Variants in RGPD2 observed in about 807,000 individuals in gnomAD.
RGPD2 encodes the protein RANBP2 like and GRIP domain containing 2, also known as RANBP2-like and GRIP domain-containing protein 2.
In RGPD2, 2 loss-of-function variants were observed where a neutral mutation model predicts 36.0. The observed-to-expected ratio is 0.06, with a 90% CI of 0.02 to 0.17. The LOEUF (loss-of-function observed/expected upper bound fraction) is 0.17. Ranked by LOEUF, RGPD2 falls within the 10% of genes least tolerant of loss-of-function variation. RGPD2 has a pLI of 1.00. For synonymous variants in RGPD2, 19 were observed against 163.8 expected (o/e 0.12, Z 6.75); for missense variants, 40 against 464.3 (o/e 0.09, Z 8.40).
the RGPD2 span, among the ~76,000 whole-genome samples, chr2:87,951,623 C>T: frequency 6.6e-6 from 1 of 151,522 alleles, no homozygotes; most frequent in Non-Finnish European, 1.5e-5. Context: ...GACAGAGTCT[C>T]GCCCTGTACC....
chr2:87,854,652 CTTCT>C, the RGPD2 span, among the ~76,000 whole-genome samples: 1 of 152,162 alleles, frequency 6.6e-6, no homozygotes, highest in Non-Finnish European at 1.5e-5. Flanking sequence ...TTCAGACTGG[CTTCT>C]TTCACTTAAC....
chr2:87,951,733 T>G, the RGPD2 span, among the ~76,000 whole-genome samples: 3 of 145,448 alleles, frequency 2.1e-5, no homozygotes, highest in East Asian at 6.0e-4. Context: ...TACAGATGTG[T>G]GCCACCACAC....
chr2:87,878,000 G>A, the RGPD2 span, among the ~76,000 whole-genome samples: 1 of 151,764 alleles, frequency 6.6e-6, no homozygotes, highest in African/African-American at 2.4e-5. Flanking sequence ...TGTTGATTGT[G>A]TCTTGTGGTT....
the RGPD2 span, among the ~76,000 whole-genome samples, chr2:87,832,402 T>C: frequency 8.6e-5 from 13 of 151,940 alleles, no homozygotes; most frequent in African/African-American, 3.1e-4. Context: ...AGGACAAATA[T>C]TAACTACAAC....
the RGPD2 span, among the ~76,000 whole-genome samples, chr2:87,853,096 A>T: frequency 6.6e-6 from 1 of 152,242 alleles, no homozygotes; most frequent in South Asian, 2.1e-4. Context: ...GAGTCTGATG[A>T]TTCATTCCTG....
chr2:87,921,523 C>G, the RGPD2 span, among the ~76,000 whole-genome samples: 1 of 152,176 alleles, frequency 6.6e-6, no homozygotes. Context: ...AAAAGTTCTC[C>G]TGATACTTAA....
At chr2:87,972,694 CT>C in the RGPD2 span, 1 of 1,583,800 alleles carries the variant, frequency 6.3e-7, no homozygotes, top group Non-Finnish European at 8.6e-7. Flanking sequence ...GCGAGGAGGC[CT>C]GGGGGGCACT....
intron 1 of RGPD2, among the ~76,000 whole-genome samples, chr2:87,825,298 C>T (rs1214058186): frequency 6.6e-6 from 1 of 151,600 alleles, no homozygotes; most frequent in Non-Finnish European, 1.5e-5. Flanking sequence ...CACTAAAGGG[C>T]GAACCTGATC....
the RGPD2 span, among the ~76,000 whole-genome samples, chr2:87,857,533 G>A: frequency 4.6e-5 from 7 of 151,222 alleles, no homozygotes; most frequent in African/African-American, 7.3e-5. Context: ...TAGTAGAGAC[G>A]GGGTTTCACC....
At chr2:87,864,723 T>C in the RGPD2 span, among the ~76,000 whole-genome samples, 1 of 152,410 alleles carries the variant, frequency 6.6e-6, no homozygotes, top group African/African-American at 2.4e-5. Flanking sequence ...CATCTTTTCA[T>C]GTGCTTGTTT....
chr2:87,866,271 T>C, the RGPD2 span, among the ~76,000 whole-genome samples: 75 of 152,236 alleles, frequency 4.9e-4, no homozygotes, highest in African/African-American at 1.7e-3. Flanking sequence ...TATCTAAATT[T>C]GTATATTCTA....
chr2:87,836,765 C>T, the RGPD2 span, among the ~76,000 whole-genome samples: 16 of 152,100 alleles, frequency 1.1e-4, no homozygotes, highest in Admixed American at 1.0e-3. Context: ...TGGCTACATG[C>T]TCCACCTAAA....
At chr2:87,830,164 T>G (rs925897441), upstream of RGPD2, among the ~76,000 whole-genome samples, 50 of 151,864 alleles carry the variant, frequency 3.3e-4, no homozygotes, top group African/African-American at 1.2e-3. Flanking sequence ...AGGTCCCACA[T>G]CCAGGTCACA....
chr2:87,881,200 A>T, the RGPD2 span, among the ~76,000 whole-genome samples: 7 of 150,798 alleles, frequency 4.6e-5, no homozygotes, highest in Admixed American at 2.0e-4. Flanking sequence ...GCCTGCTCTC[A>T]CAGGTTGTTG....
chr2:87,842,908 A>G, the RGPD2 span, among the ~76,000 whole-genome samples: 6 of 144,604 alleles, frequency 4.1e-5, no homozygotes, highest in South Asian at 1.1e-3. Context: ...ATAATGCCGC[A>G]TATCTACAAC....
chr2:87,973,694 A>T, the RGPD2 span, among the ~76,000 whole-genome samples: 7 of 15,346 alleles, frequency 4.6e-4, no homozygotes, highest in African/African-American at 8.7e-4. Context: ...TGAACCAGCT[A>T]AAAAAAAAAA....
chr2:87,984,487 T>C, the RGPD2 span, among the ~76,000 whole-genome samples: 7 of 150,998 alleles, frequency 4.6e-5, no homozygotes, highest in African/African-American at 1.5e-4. Flanking sequence ...AAATTTTTAA[T>C]GATAACGGGA....
At chr2:87,771,388 T>G (rs1685105891) in intron 22 of RGPD2, 1 of 14,144 alleles carries the variant, frequency 7.1e-5, no homozygotes, top group Non-Finnish European at 1.9e-4. Flanking sequence ...TCATAGTTTT[T>G]TTTTTTTTTT....
At chr2:87,825,436 CCGCCGCCCGGCCA>C (rs1686692368) in intron 1 of RGPD2, among the ~76,000 whole-genome samples, 2 of 126,036 alleles carry the variant, frequency 1.6e-5, no homozygotes, top group Non-Finnish European at 3.7e-5. Context: ...GCCGCCGCCG[CCGCCGCCCGGCCA>C]GGCCGAGGCC....
Sources: gnomAD v4.1 joint callset for allele counts (sites outside exome capture counted in the v4.1 genomes callset) on GRCh38, gnomAD v4.1.1 for gene constraint, MANE v1.5 for transcripts, NCBI Gene and HGNC (gene_info 2026-07-23, HGNC 2026-07-21) for gene names.